Variants in RP1 observed in about 807,000 individuals in gnomAD.
The protein encoded by RP1 is oxygen-regulated protein 1.
RP1 carries 16 observed loss-of-function variants against 14.8 expected under a neutral mutation model. The ratio of observed to expected loss-of-function variants is 1.08; its 90% CI spans 0.73 to 1.65. The LOEUF (loss-of-function observed/expected upper bound fraction) is 1.65. Among genes scored for constraint, RP1 ranks in the 40% most tolerant of loss-of-function variants. The pLI, the probability that RP1 is intolerant of heterozygous loss-of-function variation, is 0.00. For synonymous variants in RP1, 876 were observed against 883.6 expected (o/e 0.99, Z 0.15); for missense variants, 2,631 against 2,535.0 (o/e 1.04, Z -0.81).
intron 17 of RP1, among the ~76,000 whole-genome samples, chr8:54,727,551 AT>A (rs1808686316): frequency 6.6e-6 from 1 of 152,108 alleles, no homozygotes; most frequent in Admixed American, 6.6e-5. Flanking sequence ...TGGCAAAAAT[AT>A]TTTTTAAATG....
chr8:54,785,130 TCCAAAAAGAAGGCCAGTAC>T (rs1221675421), intron 24 of RP1, among the ~76,000 whole-genome samples: 2 of 151,984 alleles, frequency 1.3e-5, no homozygotes, highest in Non-Finnish European at 2.9e-5. Context: ...ATTTCATCAC[TCCAAAAAGAAGGCCAGTAC>T]CCATTAGAAG....
At chr8:54,762,006 G>A (rs1228797345) in intron 22 of RP1, among the ~76,000 whole-genome samples, 1 of 152,166 alleles carries the variant, frequency 6.6e-6, no homozygotes, top group Non-Finnish European at 1.5e-5. Context: ...GTCAAGGTCA[G>A]TGTCCATGGA....
intron 24 of RP1, among the ~76,000 whole-genome samples, chr8:54,811,682 C>G (rs1318788252): frequency 6.6e-6 from 1 of 152,134 alleles, no homozygotes; most frequent in East Asian, 1.9e-4. Flanking sequence ...TTAGATATCC[C>G]CAGCCATTTT....
intron 27 of RP1, among the ~76,000 whole-genome samples, chr8:54,864,158 A>G (rs1812411590): frequency 6.6e-6 from 1 of 152,190 alleles, no homozygotes; most frequent in Non-Finnish European, 1.5e-5. Context: ...TCGCAGCAAG[A>G]GGAAATTAAT....
At chr8:54,830,356 T>A (rs1811490150) in intron 24 of RP1, among the ~76,000 whole-genome samples, 1 of 152,070 alleles carries the variant, frequency 6.6e-6, no homozygotes, top group Admixed American at 6.6e-5. Context: ...TATGTGTACA[T>A]GTGCCATGTT....
Position 54,741,703 on chromosome 8 carries a change from GTGTGTA to G in RP1, c.2808+2676_2808+2681del, listed in dbSNP as rs1367844877. Among the ~76,000 whole-genome samples, 226 of 87,702 alleles carry G rather than the reference GTGTGTA, an allele frequency of 2.6e-3. 1 individual carries two copies. Among genetic ancestry groups the G allele is most frequent in the African/African-American group, 0.013 (209 of 16,694 alleles). The allele number at this position is 87,702 out of a possible 152,430, so 57.5% of individuals were successfully genotyped here. A position where few individuals can be genotyped will look rare whatever the true frequency, so the allele number is the denominator to read the frequency against. On this transcript the variant is annotated intron_variant, in intron 19 of 22. Transcript: ENST00000636932. Reference sequence around the variant, plus strand: ...AATATGTACATATAAATACAAATGTGTGTGTATATATATATATATATATATATATAT... The same window carrying G: ...AATATGTACATATAAATACAAATGTGTATATATATATATATATATATATAT...
chr8:54,559,906 A>T (rs151023596), intron 1 of RP1, among the ~76,000 whole-genome samples: 2 of 152,098 alleles, frequency 1.3e-5, no homozygotes, highest in African/African-American at 4.8e-5. Context: ...ATATTTAGGG[A>T]CTCAGTCCCC....
rs3077333 is a variant in RP1, at chr8:54,759,130, CTGTGTGTGTG to C, written c.3248+90_3248+99del. ...AGAGTATGCTGCACTGTGGATGATG[CTGTGTGTGTG>C]TGTGTGTGTGTGTGTGTGTGTGTGT... On this transcript the variant is annotated intron_variant, in intron 22 of 22. Transcript: ENST00000636932. 5.2e-3 allele frequency: 3,964 copies of C among 767,450 alleles called. 18 individuals are homozygous for C. Among genetic ancestry groups the C allele is most frequent in the African/African-American group, 0.031 (1,644 of 53,602 alleles). The allele number at this position is 767,450 out of a possible 1,614,324, so 47.5% of individuals were successfully genotyped here.
chr8:54,598,412 C>A (rs1805200094), intron 1 of RP1, among the ~76,000 whole-genome samples: 1 of 152,112 alleles, frequency 6.6e-6, no homozygotes, highest in African/African-American at 2.4e-5. Context: ...TCTTTACCCT[C>A]CCTCATTTAT....
intron 23 of RP1, among the ~76,000 whole-genome samples, chr8:54,779,272 A>G (rs1810122452): frequency 1.3e-5 from 2 of 152,158 alleles, no homozygotes; most frequent in Non-Finnish European, 2.9e-5. Flanking sequence ...TCAAGGTAAG[A>G]GTCATGGGAA....
intron 1 of RP1, among the ~76,000 whole-genome samples, chr8:54,573,556 A>G (rs1264904653): frequency 2.0e-5 from 3 of 152,210 alleles, no homozygotes; most frequent in African/African-American, 7.2e-5. Context: ...CTCAAATATA[A>G]GAATTCTTAG....
chr8:54,653,047 G>C (rs1465922586), intron 5 of RP1, among the ~76,000 whole-genome samples: 1 of 152,066 alleles, frequency 6.6e-6, no homozygotes, highest in Admixed American at 6.6e-5. Context: ...GATTGAGGGA[G>C]GCACCTTAAC....
At chr8:54,813,970 T>C (rs1043784491) in intron 24 of RP1, among the ~76,000 whole-genome samples, 2 of 152,208 alleles carry the variant, frequency 1.3e-5, no homozygotes, top group African/African-American at 4.8e-5. Context: ...GCAAATGATA[T>C]AACCTCTCTG....
chr8:54,626,548 C>G lies in RP1; in HGVS notation c.2666C>G (p.Thr889Arg). 6.2e-7 allele frequency: 1 copy of G among 1,613,724 alleles called. No homozygotes were observed. The highest frequency in any genetic ancestry group is 8.5e-7 in the Non-Finnish European group (1 of 1,179,882). ...GCTATTTTAAGTAAACAACATGCTA[C>G]AACCAGGGCAAATTCTTTAGCTTCT... is the stretch of plus-strand genomic sequence containing the variant. Reference protein sequence around the residue: ...ASAILSKQHATTRANSLASLK... With the variant: ...ASAILSKQHARTRANSLASLK... The change falls in exon 4 of 4, where the codon ACA (threonine) becomes AGA (arginine). Residue 889 changes from threonine (T) to arginine (R), a missense_variant. By Grantham distance (71) the Thr-to-Arg change is moderately conservative. Transcript: ENST00000220676.
intron 27 of RP1, among the ~76,000 whole-genome samples, chr8:54,863,887 T>C (rs1438732262): frequency 6.6e-6 from 1 of 152,196 alleles, no homozygotes; most frequent in African/African-American, 2.4e-5. Context: ...CCAATGTCTG[T>C]CTGTTGGTGC....
intron 1 of RP1, among the ~76,000 whole-genome samples, chr8:54,597,801 G>A (rs1263065123): frequency 6.6e-6 from 1 of 152,088 alleles, no homozygotes; most frequent in Non-Finnish European, 1.5e-5. Flanking sequence ...ATAAAGCCTA[G>A]AAGATAGATT....
At chr8:54,730,304 A>G (rs1445356217) in intron 17 of RP1, among the ~76,000 whole-genome samples, 1 of 152,066 alleles carries the variant, frequency 6.6e-6, no homozygotes, top group Non-Finnish European at 1.5e-5. Flanking sequence ...ATATAAATAT[A>G]CCAAAAGTGG....
At chr8:54,670,517 G>GTA (rs1318605116) in intron 7 of RP1, among the ~76,000 whole-genome samples, 1 of 24,884 alleles carries the variant, frequency 4.0e-5, no homozygotes, top group Non-Finnish European at 1.3e-4. Flanking sequence ...ACATATATAT[G>GTA]TATGTGTATA....
At chr8:54,673,426 T>C (rs1359369385) in intron 7 of RP1, among the ~76,000 whole-genome samples, 1 of 152,230 alleles carries the variant, frequency 6.6e-6, no homozygotes, top group East Asian at 1.9e-4. Flanking sequence ...CTCCTTTTAA[T>C]TGTAAATTAA....
Sources: allele counts gnomAD v4.1 joint callset (sites outside exome capture counted in the v4.1 genomes callset), GRCh38; gene constraint gnomAD v4.1.1; transcripts MANE v1.5; gene names NCBI Gene and HGNC (gene_info 2026-07-23, HGNC 2026-07-21).